The following LRRC27 variants were observed in gnomAD, a reference collection of about 807,000 sequenced individuals.
LRRC27 encodes the protein leucine-rich repeat-containing protein 27.
Under a neutral mutation model 55.0 loss-of-function variants are expected in LRRC27, and 57 were observed. That is an observed-to-expected ratio of 1.04 (90% CI 0.84 to 1.29). The LOEUF (loss-of-function observed/expected upper bound fraction) is 1.29, where lower values mean the gene tolerates loss of function less well. LRRC27 is among the 50% of genes most tolerant of loss of function. LRRC27 has a pLI of 0.00. For synonymous variants in LRRC27, 278 were observed against 251.9 expected, an observed-to-expected ratio of 1.10 and a Z score of -0.98; for missense variants, 721 against 651.5, an observed-to-expected ratio of 1.11 and a Z score of -1.16.
Position 132,337,583 on chromosome 10 carries a change from A to G in LRRC27, c.229A>G (p.Asn77Asp). The change falls in exon 3 of 11, where the codon AAT (asparagine) becomes GAT (aspartate). Residue 77 changes from asparagine to aspartate, a missense_variant. Coordinates refer to ENST00000368614, the MANE Select transcript of LRRC27 (RefSeq NM_030626.3). Reference sequence around the variant, plus strand: ...ATGGAAGCAATTGCATCTGCAAAGGAATGCCCTGTGTGTGATTCCTCAAGA... The same window carrying G: ...ATGGAAGCAATTGCATCTGCAAAGGGATGCCCTGTGTGTGATTCCTCAAGA... The part of the protein sequence containing the change: ...PSLQQLHLQR[N>D]ALCVIPQDFF... The G allele has an allele frequency of 6.2e-7, 1 of 1,614,174 alleles. No individual in the cohort carries two copies. Among genetic ancestry groups the G allele is most frequent in the South Asian group, 1.1e-5 (1 of 91,074 alleles).
At chr10:132,345,585 C>T (rs1027590801) in intron 5 of LRRC27, among the ~76,000 whole-genome samples, 16 of 152,308 alleles carry the variant, frequency 1.1e-4, no homozygotes, top group Middle Eastern at 3.4e-3. Flanking sequence ...CCGATGCTGC[C>T]AGGATGTTGT....
chr10:132,349,095 G>GGT, intron 6 of LRRC27: 3 of 1,386,900 alleles, frequency 2.2e-6, no homozygotes, highest in Non-Finnish European at 3.0e-6. Context: ...GCCTGCATGT[G>GGT]GTGTGTGTGC....
intron 10 of LRRC27, among the ~76,000 whole-genome samples, chr10:132,373,301 G>A (rs1425220769): frequency 6.6e-6 from 1 of 152,250 alleles, no homozygotes; most frequent in Non-Finnish European, 1.5e-5. Context: ...GGTTCCGGCA[G>A]GTTCCAGCAG....
intron 4 of LRRC27, 109 bp downstream of exon 4, chr10:132,342,380 A>T (rs1364242942): frequency 4.2e-6 from 3 of 722,732 alleles, no homozygotes; most frequent in South Asian, 1.9e-5. Context: ...TAGATATTTT[A>T]AAAATCCTTC....
intron 9 of LRRC27, among the ~76,000 whole-genome samples, chr10:132,361,827 G>C (rs1055815400): frequency 6.6e-6 from 1 of 152,060 alleles, no homozygotes; most frequent in Non-Finnish European, 1.5e-5. Context: ...AGGATACAGA[G>C]TGCTCCCGAG....
intron 3 of LRRC27, among the ~76,000 whole-genome samples, chr10:132,338,595 A>T (rs1047576762): frequency 6.6e-6 from 1 of 151,776 alleles, no homozygotes; most frequent in Non-Finnish European, 1.5e-5. Context: ...TACTCTCACT[A>T]TGGAGACGTC....
chr10:132,331,870 T>G (rs1056995470), upstream of LRRC27: 5 of 1,299,336 alleles, frequency 3.8e-6, no homozygotes, highest in African/African-American at 1.5e-5. Flanking sequence ...GCCGCGTGCG[T>G]GCGCAGGCGC....
At chr10:132,371,148 T>G (rs1564860137) in intron 10 of LRRC27, among the ~76,000 whole-genome samples, 3 of 152,352 alleles carry the variant, frequency 2.0e-5, no homozygotes, top group East Asian at 3.9e-4. Context: ...CCCCTCGTGT[T>G]TCCTTCAAGG....
intron 5 of LRRC27, among the ~76,000 whole-genome samples, chr10:132,345,768 G>A (rs944861189): frequency 1.3e-4 from 20 of 152,074 alleles, no homozygotes; most frequent in African/African-American, 3.6e-4. Flanking sequence ...AGGCACAGCC[G>A]GAGCCAGGAC....
chr10:132,361,063 G>A (rs1015704667), intron 8 of LRRC27, among the ~76,000 whole-genome samples: 13 of 152,206 alleles, frequency 8.5e-5, no homozygotes, highest in African/African-American at 2.2e-4. Context: ...CACTGAAGCT[G>A]GAGAAACAGA....
At chr10:132,347,505 A>G (rs2474331) in intron 5 of LRRC27, among the ~76,000 whole-genome samples, 57,294 of 146,566 alleles carry the variant, frequency 0.39, 11,048 homozygotes, top group Middle Eastern at 0.43. Context: ...AAGGTCACGC[A>G]TGTCCAGTGG....
chr10:132,354,441 G>T (rs1207914757), intron 7 of LRRC27, among the ~76,000 whole-genome samples: 1 of 152,164 alleles, frequency 6.6e-6, no homozygotes, highest in African/African-American at 2.4e-5. Flanking sequence ...GAGCGCAGCG[G>T]GGCCAGCACC....
At chr10:132,342,764 A>G (rs1442741169) in intron 4 of LRRC27, among the ~76,000 whole-genome samples, 4 of 152,264 alleles carry the variant, frequency 2.6e-5, no homozygotes, top group African/African-American at 4.8e-5. Flanking sequence ...TAGCAGAAAC[A>G]GTATAAATTT....
At chr10:132,344,826 CTT>C in intron 5 of LRRC27, 176 bp downstream of exon 5, 1 of 562,212 alleles carries the variant, frequency 1.8e-6, no homozygotes, top group South Asian at 3.4e-5. Context: ...ATCTCTGTGA[CTT>C]TTCCTTGGTT....
Position 132,375,112 on chromosome 10 carries a change from C to A in LRRC27, c.1463C>A (p.Thr488Asn). The A allele has an allele frequency of 6.2e-7, 1 of 1,614,048 alleles. No homozygotes were observed. The highest frequency in any genetic ancestry group is 1.1e-5 in the South Asian group (1 of 91,082). Residue 488 changes from threonine (T) to asparagine (N), a missense_variant, in exon 11 of 11, where the codon ACC becomes AAC. Coordinates refer to ENST00000368614, the MANE Select transcript of LRRC27 (RefSeq NM_030626.3). ...GTATTGAAGCTAAAATTGGGATTAA[C>A]CTTGAACAAAGATCGTCGACGGGCG... is the stretch of plus-strand genomic sequence containing the variant. ...DEVLKLKLGL[T>N]LNKDRRRAAL...
chr10:132,334,247 C>A lies in LRRC27; in HGVS notation c.210+513C>A, dbSNP rs12255382. ...TGATGTTAGACAGTTGAGGGTTCCC[C>A]CTGCAGCACTTGTCCCTGCTGGGAC... is the stretch of plus-strand genomic sequence containing the variant. On this transcript the variant is annotated intron_variant, in intron 2 of 10. Transcript: ENST00000368614. 9.4e-3 allele frequency among the ~76,000 whole-genome samples: 1,434 copies of A among 152,322 alleles called. 28 individuals are homozygous for A. Among genetic ancestry groups the A allele is most frequent in the African/African-American group, 0.032 (1,348 of 41,558 alleles).
chr10:132,332,777 C>T (rs1216745005), intron 1 of LRRC27, among the ~76,000 whole-genome samples: 1 of 151,926 alleles, frequency 6.6e-6, no homozygotes. Context: ...CTGATCTGCG[C>T]CTCATATGCC....
upstream of LRRC27, chr10:132,331,688 C>G (rs1395351879): frequency 6.2e-7 from 1 of 1,612,768 alleles, no homozygotes; most frequent in Non-Finnish European, 8.5e-7. Flanking sequence ...TGTCCTCGAG[C>G]AGCCCCGCCC....
chr10:132,351,595 CTG>C lies in LRRC27; in HGVS notation c.927-10_927-9del, dbSNP rs767474876. ...TGTTAAACATTCAGCTAAAAACACT[CTG>C]TAATTTTAGAAGGAAGACAGCCTCC... On this transcript the variant is annotated splice_polypyrimidine_tract_variant and intron_variant, in intron 6 of 10. Coordinates refer to ENST00000368614, the MANE Select transcript of LRRC27 (RefSeq NM_030626.3). 1.4e-5 allele frequency: 23 copies of C among 1,609,442 alleles called. No homozygotes were observed. Among genetic ancestry groups the C allele is most frequent in the African/African-American group, 2.7e-5 (2 of 74,582 alleles).
Sources: gnomAD v4.1 joint callset for allele counts (sites outside exome capture counted in the v4.1 genomes callset) on GRCh38, gnomAD v4.1.1 for gene constraint, MANE v1.5 for transcripts, NCBI Gene and HGNC (gene_info 2026-07-23, HGNC 2026-07-21) for gene names.